The following SPATA16 variants were observed in gnomAD, a reference collection of about 807,000 sequenced individuals.
SPATA16 encodes the protein spermatogenesis-associated protein 16.
SPATA16 carries 36 observed loss-of-function variants against 63.3 expected under a neutral mutation model. The observed-to-expected ratio is 0.57, with a 90% CI of 0.44 to 0.75. The LOEUF (loss-of-function observed/expected upper bound fraction) is 0.75. Ranked by LOEUF, SPATA16 falls within the 30% of genes least tolerant of loss-of-function variation. SPATA16 has a pLI of 0.00. For synonymous variants in SPATA16, 203 were observed against 216.7 expected (o/e 0.94, Z 0.56); for missense variants, 646 against 679.3 (o/e 0.95, Z 0.54).
chr3:173,074,800 C>G (rs1379098733), intron 2 of SPATA16, among the ~76,000 whole-genome samples: 1 of 151,846 alleles, frequency 6.6e-6, no homozygotes, highest in Non-Finnish European at 1.5e-5. Context: ...GAGTTCAAGA[C>G]CAGCCTGGAA....
At chr3:172,972,647 C>T (rs1734073385) in intron 5 of SPATA16, among the ~76,000 whole-genome samples, 2 of 152,090 alleles carry the variant, frequency 1.3e-5, no homozygotes, top group African/African-American at 4.8e-5. Flanking sequence ...GCTGAAGTTA[C>T]TATTAGAGAT....
intron 3 of SPATA16, among the ~76,000 whole-genome samples, chr3:173,028,513 G>A (rs906193873): frequency 2.6e-5 from 4 of 151,694 alleles, no homozygotes; most frequent in South Asian, 4.1e-4. Context: ...ATTTTCAGAC[G>A]GCATAAATTT....
chr3:172,959,041 T>C (rs1393411971), intron 5 of SPATA16, among the ~76,000 whole-genome samples: 2 of 152,180 alleles, frequency 1.3e-5, no homozygotes, highest in Non-Finnish European at 2.9e-5. Context: ...TCTGATGGTC[T>C]CTGAATATCT....
At chr3:173,052,228 T>G (rs543464890) in intron 2 of SPATA16, among the ~76,000 whole-genome samples, 15 of 152,172 alleles carry the variant, frequency 9.9e-5, no homozygotes, top group Non-Finnish European at 1.5e-4. Context: ...TAGTAAAGAC[T>G]GTCTATAAAC....
intron 3 of SPATA16, among the ~76,000 whole-genome samples, chr3:173,037,370 G>T (rs1340601640): frequency 1.3e-5 from 2 of 151,998 alleles, no homozygotes; most frequent in East Asian, 1.9e-4. Flanking sequence ...AAAGCTTATA[G>T]GAACTAGAAG....
At chr3:172,960,761 G>A (rs994765974) in intron 5 of SPATA16, among the ~76,000 whole-genome samples, 2 of 152,286 alleles carry the variant, frequency 1.3e-5, no homozygotes, top group East Asian at 1.9e-4. Flanking sequence ...CAAGAGGGCC[G>A]ATTCTTCTTG....
chr3:173,100,703 C>CAGAG (rs1256346324), intron 2 of SPATA16, among the ~76,000 whole-genome samples: 2,146 of 120,556 alleles, frequency 0.018, 62 homozygotes, highest in African/African-American at 0.061. Flanking sequence ...CACACACACA[C>CAGAG]ACACAGAGTA....
intron 3 of SPATA16, among the ~76,000 whole-genome samples, chr3:173,033,673 C>T (rs921297233): frequency 2.6e-5 from 4 of 151,874 alleles, no homozygotes; most frequent in Admixed American, 6.6e-5. Flanking sequence ...TTTTTCCATT[C>T]GCTGTGTTAC....
chr3:173,051,423 C>T (rs989172510), intron 2 of SPATA16, among the ~76,000 whole-genome samples: 3 of 152,146 alleles, frequency 2.0e-5, no homozygotes, highest in Admixed American at 6.5e-5. Flanking sequence ...AGGATGACCT[C>T]GGTCTTCTGA....
intron 1 of SPATA16, among the ~76,000 whole-genome samples, chr3:173,126,371 C>T (rs556319844): frequency 2.5e-4 from 38 of 152,274 alleles, no homozygotes; most frequent in African/African-American, 8.4e-4. Flanking sequence ...AATGTTTCAG[C>T]GTACTTTAGA....
At chr3:173,092,117 T>C (rs1737240103) in intron 2 of SPATA16, among the ~76,000 whole-genome samples, 1 of 152,148 alleles carries the variant, frequency 6.6e-6, no homozygotes, top group Non-Finnish European at 1.5e-5. Flanking sequence ...GCAGAATTGA[T>C]GCAAATATGC....
chr3:173,030,879 A>G (rs1735588922), intron 3 of SPATA16, among the ~76,000 whole-genome samples: 1 of 152,126 alleles, frequency 6.6e-6, no homozygotes, highest in African/African-American at 2.4e-5. Context: ...CTAACATACA[A>G]TGGAATACTC....
intron 2 of SPATA16, among the ~76,000 whole-genome samples, chr3:173,114,810 G>A (rs1400952053): frequency 6.6e-6 from 1 of 152,216 alleles, no homozygotes; most frequent in Non-Finnish European, 1.5e-5. Context: ...AGAGCACTCA[G>A]TATTAATAAA....
chr3:173,039,163 A>G (rs896478875), intron 3 of SPATA16, among the ~76,000 whole-genome samples: 7 of 152,154 alleles, frequency 4.6e-5, no homozygotes, highest in African/African-American at 1.7e-4. Context: ...TCTGAAGTAC[A>G]TGAATGCTTT....
chr3:173,016,720 C>T (rs1267942767), intron 4 of SPATA16, among the ~76,000 whole-genome samples: 1 of 152,100 alleles, frequency 6.6e-6, no homozygotes, highest in Non-Finnish European at 1.5e-5. Context: ...GATTGATAAA[C>T]ATAAATGCTG....
intron 8 of SPATA16, among the ~76,000 whole-genome samples, chr3:172,917,337 A>G (rs989187758): frequency 6.6e-6 from 1 of 152,226 alleles, no homozygotes; most frequent in Non-Finnish European, 1.5e-5. Flanking sequence ...TTGGGGGTAT[A>G]TAAGGGTTAA....
At chr3:173,134,058 A>G (rs1235706037) in intron 1 of SPATA16, among the ~76,000 whole-genome samples, 2 of 152,212 alleles carry the variant, frequency 1.3e-5, no homozygotes, top group African/African-American at 4.8e-5. Flanking sequence ...ACTTGGCCGG[A>G]TATTGAGAAT....
intron 4 of SPATA16, among the ~76,000 whole-genome samples, chr3:172,996,509 T>C (rs1734695310): frequency 6.6e-6 from 1 of 152,146 alleles, no homozygotes; most frequent in Admixed American, 6.6e-5. Context: ...AGAGACACTT[T>C]AGGTTCAAAG....
chr3:173,001,176 T>A (rs1040913777), intron 4 of SPATA16, among the ~76,000 whole-genome samples: 1 of 151,722 alleles, frequency 6.6e-6, no homozygotes, highest in Non-Finnish European at 1.5e-5. Context: ...AGTGGTAAGG[T>A]GTGGGGGTAG....
Sources: allele counts gnomAD v4.1 joint callset (sites outside exome capture counted in the v4.1 genomes callset), GRCh38; gene constraint gnomAD v4.1.1; transcripts MANE v1.5; gene names NCBI Gene and HGNC (gene_info 2026-07-23, HGNC 2026-07-21).